PRKDC: variants seen among roughly 807,000 people sequenced by gnomAD.
PRKDC encodes the protein protein kinase, DNA-activated, catalytic subunit, also known as DNA-dependent protein kinase catalytic subunit.
In PRKDC, 82 loss-of-function variants were observed where a neutral mutation model predicts 486.9. The observed-to-expected ratio is 0.17, with a 90% CI of 0.14 to 0.20. The LOEUF is 0.20. PRKDC is among the 10% of genes least tolerant of loss of function. The pLI is 1.00. For synonymous variants in PRKDC, 1,895 were observed against 1,837.0 expected (o/e 1.03, Z -0.81); for missense variants, 4,504 against 5,038.2 (o/e 0.89, Z 3.21).
intron 69 of PRKDC, among the ~76,000 whole-genome samples, chr8:47,804,732 C>T (rs572856919): frequency 7.9e-4 from 120 of 152,146 alleles, no homozygotes; most frequent in African/African-American, 2.5e-3. Context: ...GTGGAATTGT[C>T]GGGTCATATG....
intron 23 of PRKDC, 110 bp downstream of exon 23, chr8:47,915,218 T>C (rs1190027600): frequency 2.0e-5 from 12 of 603,502 alleles, no homozygotes; most frequent in Non-Finnish European, 1.9e-5. Context: ...TATTTAGAAA[T>C]ATATAAATCA....
chr8:47,877,424 A>G (rs892005279), intron 40 of PRKDC, among the ~76,000 whole-genome samples: 2 of 152,246 alleles, frequency 1.3e-5, no homozygotes, highest in East Asian at 3.8e-4. Context: ...ACATGGTGTC[A>G]CAGATTTGCT....
chr8:47,933,808 C>T (rs8178028), intron 15 of PRKDC, among the ~76,000 whole-genome samples, 157 bp downstream of exon 15: 13 of 152,170 alleles, frequency 8.5e-5, no homozygotes, highest in Non-Finnish European at 1.8e-4. Context: ...ATTCTAACTT[C>T]CTGATTCATA....
intron 29 of PRKDC, 52 bp downstream of exon 29, chr8:47,898,418 G>T: frequency 1.4e-6 from 2 of 1,384,974 alleles, no homozygotes; most frequent in South Asian, 1.3e-5. Flanking sequence ...CATTAGCTGT[G>T]AATTAGTTTT....
intron 50 of PRKDC, among the ~76,000 whole-genome samples, chr8:47,854,646 G>T (rs992786487): frequency 6.6e-6 from 1 of 152,212 alleles, no homozygotes; most frequent in Non-Finnish European, 1.5e-5. Context: ...GCCAAATACA[G>T]AATTTTCTAA....
At position 47,953,833 on chromosome 8, in the gene PRKDC, C is replaced by T. The variant is rs1204162711; in HGVS notation, c.595G>A (p.Ala199Thr). 1.1e-5 allele frequency: 17 copies of T among 1,571,614 alleles called. 1 individual carries two copies. The highest frequency in any genetic ancestry group is 2.3e-5 in the South Asian group (2 of 86,004). ...MINNAENLFR[A>T]FLGELKTQMT... ...TGGGTCTTAAGTTCACCCAGAAAAG[C>T]GCGGAACAGGTTTTCTGCATTATTT... Residue 199 changes from alanine (A) to threonine (T), a missense_variant, in exon 6 of 86, where the codon GCT becomes ACT. Transcript: ENST00000314191.
At chr8:47,838,907 C>G (rs1390434280) in intron 56 of PRKDC, among the ~76,000 whole-genome samples, 2 of 152,184 alleles carry the variant, frequency 1.3e-5, no homozygotes, top group African/African-American at 4.8e-5. Context: ...ACTGCCCTAC[C>G]ATACAGCATT....
At position 47,782,298 on chromosome 8, in the gene PRKDC, C is replaced by T; in HGVS notation, c.11397-44G>A. 3.1e-6 allele frequency: 5 copies of T among 1,611,564 alleles called. No individual in the cohort carries two copies. Among genetic ancestry groups the T allele is most frequent in the Non-Finnish European group, 4.2e-6 (5 of 1,177,748 alleles). ...GGTTAACGAGTAAACCCAAACTGCT[C>T]TTTCTTCACTAGAAAAACAGTCCCG... On this transcript the variant is annotated intron_variant, in intron 79 of 85. Transcript: ENST00000314191. The surrounding 1 kb of genome is among the most constrained non-coding windows in gnomAD (Gnocchi z 4.9).
At chr8:47,827,807 G>C (rs969003064) in intron 62 of PRKDC, among the ~76,000 whole-genome samples, 2 of 152,190 alleles carry the variant, frequency 1.3e-5, no homozygotes, top group Non-Finnish European at 2.9e-5. Flanking sequence ...AAGCCAGGCG[G>C]GTACTCAGTC....
chr8:47,788,188 C>T (rs766781368), intron 76 of PRKDC, among the ~76,000 whole-genome samples: 2 of 152,212 alleles, frequency 1.3e-5, no homozygotes, highest in Non-Finnish European at 2.9e-5. Context: ...GAAGAACATT[C>T]GACTCTTCTG....
rs916705140 is a variant in PRKDC at position 47,837,207 on chromosome 8, A to G, written c.7761+5T>C. The G allele has an allele frequency of 1.2e-6, 2 of 1,608,504 alleles. No homozygotes were observed. Among genetic ancestry groups the G allele is most frequent in the East Asian group, 2.2e-5 (1 of 44,868 alleles). ...TCACTACTATGAGAGAGAAGACCAC[A>G]TTACCTGAAATTCGCATTCTGACAG... is the stretch of plus-strand genomic sequence containing the variant. On this transcript the variant is annotated splice_donor_5th_base_variant and intron_variant, in intron 57 of 85. Transcript: ENST00000314191.
intron 17 of PRKDC, among the ~76,000 whole-genome samples, 160 bp from the exon 18 acceptor site, chr8:47,930,172 G>T (rs993940490): frequency 6.6e-6 from 1 of 152,158 alleles, no homozygotes; most frequent in East Asian, 1.9e-4. Flanking sequence ...TTCTCTACCT[G>T]AGGATCTTTT....
At chr8:47,790,139 T>C (rs1589697133) in intron 74 of PRKDC, among the ~76,000 whole-genome samples, 1 of 152,326 alleles carries the variant, frequency 6.6e-6, no homozygotes, top group South Asian at 2.1e-4. Context: ...TTGCAGATGA[T>C]ACGATCTTAT....
chr8:47,929,650 G>A (rs1385471367), intron 18 of PRKDC, among the ~76,000 whole-genome samples: 1 of 152,208 alleles, frequency 6.6e-6, no homozygotes, highest in Non-Finnish European at 1.5e-5. Flanking sequence ...TTAGCCAGGT[G>A]TTTGAGCATC....
rs2086722497 is a variant in PRKDC, at chr8:47,782,927, TTG to T, written c.11176-331_11176-330del. 1 of 329,576 alleles carries T rather than the reference TTG, an allele frequency of 3.0e-6. No homozygotes were observed. Among genetic ancestry groups the T allele is most frequent in the Non-Finnish European group, 5.7e-6 (1 of 175,354 alleles). The allele number at this position is 329,576 out of a possible 1,614,324, so 20.4% of individuals were successfully genotyped here. A position where few individuals can be genotyped will look rare whatever the true frequency, so the allele number is the denominator to read the frequency against. On this transcript the variant is annotated intron_variant, in intron 78 of 85. Transcript: ENST00000314191. The surrounding 1 kb of genome is among the most constrained non-coding windows in gnomAD (Gnocchi z 4.9). The stretch of plus-strand genomic sequence containing the variant: ...TGGATACTCACACACAGCTTACTCT[TTG>T]AGTTTATGATATCTTAAATAGAACT...
At chr8:47,931,566 T>C (rs752027447) in intron 16 of PRKDC, among the ~76,000 whole-genome samples, 1 of 151,974 alleles carries the variant, frequency 6.6e-6, no homozygotes, top group Non-Finnish European at 1.5e-5. Flanking sequence ...CACACATCAG[T>C]GTTGCTACCT....
chr8:47,899,740 G>A (rs2089646520), intron 28 of PRKDC, among the ~76,000 whole-genome samples: 2 of 152,196 alleles, frequency 1.3e-5, no homozygotes, highest in African/African-American at 4.8e-5. Context: ...ACACGCCTGA[G>A]CCTCTGTGCC....
In PRKDC at chr8:47,898,471, G is replaced by C. The variant is rs867149509; in HGVS notation, c.3463C>G (p.Arg1155Gly). Residue 1155 changes from arginine to glycine, a missense_variant and splice_region_variant, in exon 29 of 86, where the codon CGA becomes GGA. By Grantham distance (125) the Arg-to-Gly change is moderately radical. This residue lies in a region of PRKDC where 1,969 missense variants were observed against 2,068.9 expected (regional missense o/e 0.95). Transcript: ENST00000314191. ...GGAAAAGGAAGCAAGATCACCTACC[G>C]CGGCAAACGTCGTTTCTTTGCTTTA... ...LNKAKKRRLP[R>G]GFPPSASLCL... is the part of the protein sequence containing the mutation. The C allele has an allele frequency of 6.4e-7, 1 of 1,550,926 alleles. No homozygotes were observed. Among genetic ancestry groups the C allele is most frequent in the Admixed American group, 1.9e-5 (1 of 51,754 alleles).
chr8:47,875,500 AG>A (rs1260532607), intron 40 of PRKDC, among the ~76,000 whole-genome samples: 1 of 152,194 alleles, frequency 6.6e-6, no homozygotes, highest in Admixed American at 6.5e-5. Context: ...TAAGGTAAAA[AG>A]TTCAGATTAC....
Sources: gnomAD v4.1 joint callset for allele counts (sites outside exome capture counted in the v4.1 genomes callset) on GRCh38, gnomAD v4.1.1 for gene constraint, gnomAD v4.1.1 regional missense constraint, Gnocchi (gnomAD v3.1) non-coding constraint, MANE v1.5 for transcripts, NCBI Gene and HGNC (gene_info 2026-07-23, HGNC 2026-07-21) for gene names.